RBFOX1: variants seen among roughly 807,000 people sequenced by gnomAD.
RBFOX1 encodes the protein RNA binding fox-1 homolog 1.
Under a neutral mutation model 57.7 loss-of-function variants are expected in RBFOX1, and 8 were observed. That is an observed-to-expected ratio of 0.14 (90% CI 0.08 to 0.25). The LOEUF (loss-of-function observed/expected upper bound fraction) is 0.25, where lower values mean the gene tolerates loss of function less well. RBFOX1 is among the 10% of genes least tolerant of loss of function. The pLI is 1.00. For missense variants in RBFOX1, 611 were observed against 548.5 expected, an observed-to-expected ratio of 1.11 and a Z score of -1.14; for synonymous variants, 326 against 222.4, an observed-to-expected ratio of 1.47 and a Z score of -4.15.
chr16:5,706,983 G>C (rs2051274030), intron 3 of RBFOX1, among the ~76,000 whole-genome samples: 2 of 152,140 alleles, frequency 1.3e-5, no homozygotes, highest in African/African-American at 4.8e-5. Flanking sequence ...CAAGCGTCCT[G>C]CGTAAAAGCA....
chr16:7,006,243 C>G (rs1400622593), intron 3 of RBFOX1, among the ~76,000 whole-genome samples: 2 of 152,196 alleles, frequency 1.3e-5, no homozygotes, highest in East Asian at 3.9e-4. Context: ...CATCCTCTGC[C>G]TCCGAGGTCC....
chr16:6,232,956 C>G (rs1262163223), intron 1 of RBFOX1, among the ~76,000 whole-genome samples: 1 of 152,150 alleles, frequency 6.6e-6, no homozygotes, highest in Non-Finnish European at 1.5e-5. Flanking sequence ...TTTGAGAACT[C>G]TCAATATGGG....
intron 4 of RBFOX1, among the ~76,000 whole-genome samples, chr16:7,422,396 G>A (rs113920704): frequency 0.016 from 2,443 of 152,272 alleles, 30 homozygotes; most frequent in Non-Finnish European, 0.026. Flanking sequence ...AATAATGTCC[G>A]ACAGGCAAGG....
intron 2 of RBFOX1, among the ~76,000 whole-genome samples, chr16:6,368,402 C>G (rs1353397476): frequency 1.3e-5 from 2 of 152,204 alleles, no homozygotes; most frequent in African/African-American, 4.8e-5. Context: ...CACTGCCACA[C>G]ATAAAAAATG....
chr16:5,703,823 A>G (rs2051140495), intron 3 of RBFOX1, among the ~76,000 whole-genome samples: 1 of 152,218 alleles, frequency 6.6e-6, no homozygotes, highest in East Asian at 1.9e-4. Context: ...TATGCAACCC[A>G]TGATGTAGGG....
At chr16:5,419,734 C>T (rs2067259219) in intron 1 of RBFOX1, among the ~76,000 whole-genome samples, 1 of 151,972 alleles carries the variant, frequency 6.6e-6, no homozygotes, top group African/African-American at 2.4e-5. Context: ...CACAAAAGAC[C>T]TGAAAGGCAG....
chr16:7,183,994 G>A (rs1237656862), intron 4 of RBFOX1, among the ~76,000 whole-genome samples: 2 of 152,202 alleles, frequency 1.3e-5, no homozygotes, highest in Non-Finnish European at 2.9e-5. Context: ...ATAGGATGAT[G>A]TGAACTGAAA....
chr16:7,369,743 G>A (rs754252096), intron 4 of RBFOX1, among the ~76,000 whole-genome samples: 10 of 152,146 alleles, frequency 6.6e-5, no homozygotes, highest in Non-Finnish European at 1.0e-4. Flanking sequence ...CAAGTTTGTT[G>A]TGCTTCTGTT....
intron 2 of RBFOX1, among the ~76,000 whole-genome samples, chr16:5,487,534 T>C (rs1330316918): frequency 6.6e-6 from 1 of 152,220 alleles, no homozygotes; most frequent in African/African-American, 2.4e-5. Context: ...AAAGGTTGGT[T>C]GGTCTTGGTC....
chr16:5,784,539 T>C (rs2054435151), intron 3 of RBFOX1, among the ~76,000 whole-genome samples: 1 of 152,118 alleles, frequency 6.6e-6, no homozygotes, highest in Non-Finnish European at 1.5e-5. Context: ...AATAACTCAC[T>C]CACTGGACAG....
intron 2 of RBFOX1, among the ~76,000 whole-genome samples, chr16:6,324,319 A>G (rs941018531): frequency 2.6e-5 from 4 of 152,176 alleles, no homozygotes; most frequent in South Asian, 2.1e-4. Flanking sequence ...TGGAGTGTCA[A>G]TTTGTTCTCA....
intron 3 of RBFOX1, among the ~76,000 whole-genome samples, chr16:6,887,304 A>C (rs1418515453): frequency 6.6e-6 from 1 of 152,132 alleles, no homozygotes; most frequent in Admixed American, 6.5e-5. Flanking sequence ...GGGGTTATAA[A>C]GGGCTTTGAT....
chr16:7,328,556 C>G (rs1205903010), intron 4 of RBFOX1: 1 of 146,836 alleles, frequency 6.8e-6, no homozygotes, highest in Non-Finnish European at 1.5e-5. Flanking sequence ...ATGCCTTTAT[C>G]TAGAACAGGA....
chr16:6,923,813 A>G (rs1254404273), intron 3 of RBFOX1, among the ~76,000 whole-genome samples: 2 of 152,280 alleles, frequency 1.3e-5, no homozygotes, highest in African/African-American at 2.4e-5. Context: ...CCTTCTAGCC[A>G]TGAAACTTCA....
At chr16:7,142,631 C>G (rs1331605547) in intron 4 of RBFOX1, among the ~76,000 whole-genome samples, 1 of 152,138 alleles carries the variant, frequency 6.6e-6, no homozygotes, top group African/African-American at 2.4e-5. Flanking sequence ...GACTGTCAAT[C>G]AGAGCATTTT....
intron 1 of RBFOX1, among the ~76,000 whole-genome samples, chr16:5,432,586 C>G (rs958304633): frequency 2.0e-5 from 1 of 48,976 alleles, no homozygotes; most frequent in Non-Finnish European, 4.4e-5. Flanking sequence ...GTTTTTCACT[C>G]TTTTTCCTCT....
chr16:6,043,593 C>A (rs1409454038), intron 1 of RBFOX1, among the ~76,000 whole-genome samples: 2 of 152,164 alleles, frequency 1.3e-5, no homozygotes, highest in Non-Finnish European at 2.9e-5. Flanking sequence ...GTCTGACCTC[C>A]CTTTTGGCGA....
chr16:6,832,134 A>T (rs57463788), intron 3 of RBFOX1, among the ~76,000 whole-genome samples: 1 of 152,210 alleles, frequency 6.6e-6, no homozygotes, highest in African/African-American at 2.4e-5. Context: ...CTGATATTTC[A>T]AAGCCTGCGA....
At chr16:7,691,205 C>T (rs1038202428) in intron 14 of RBFOX1, among the ~76,000 whole-genome samples, 2 of 129,260 alleles carry the variant, frequency 1.5e-5, no homozygotes, top group South Asian at 4.9e-4. Flanking sequence ...TTATTGAGAA[C>T]TCTGCCTTGA....
Sources: allele counts gnomAD v4.1 joint callset (sites outside exome capture counted in the v4.1 genomes callset), GRCh38; gene constraint gnomAD v4.1.1; transcripts MANE v1.5; gene names NCBI Gene and HGNC (gene_info 2026-07-23, HGNC 2026-07-21).